TBCA: variants seen among roughly 807,000 people sequenced by gnomAD.
TBCA encodes the protein tubulin folding cofactor A, also known as tubulin-specific chaperone A.
TBCA carries 6 observed loss-of-function variants against 15.8 expected under a neutral mutation model. The ratio of observed to expected loss-of-function variants is 0.38; its 90% CI spans 0.21 to 0.75. TBCA has a LOEUF of 0.75. TBCA is among the 30% of genes least tolerant of loss of function. The probability of loss-of-function intolerance (pLI) is 0.46; values close to 1 mark genes in which losing one functional copy is unlikely to be tolerated. For synonymous variants in TBCA, 32 were observed against 42.3 expected, an observed-to-expected ratio of 0.76 and a Z score of 0.94; for missense variants, 90 against 131.2, an observed-to-expected ratio of 0.69 and a Z score of 1.53.
intron 1 of TBCA, among the ~76,000 whole-genome samples, chr5:77,743,592 G>A (rs985553156): frequency 7.2e-5 from 11 of 152,202 alleles, no homozygotes; most frequent in Non-Finnish European, 1.3e-4. Flanking sequence ...GGAATCCCAT[G>A]TCTCCCAGGA....
At chr5:77,751,993 G>A (rs1204121585) in intron 1 of TBCA, among the ~76,000 whole-genome samples, 1 of 152,120 alleles carries the variant, frequency 6.6e-6, no homozygotes, top group Non-Finnish European at 1.5e-5. Context: ...AAGATCATCT[G>A]GTCCAATAGG....
chr5:77,695,490 AAC>A (rs2112420650), intron 2 of TBCA, among the ~76,000 whole-genome samples: 1 of 152,326 alleles, frequency 6.6e-6, no homozygotes, highest in African/African-American at 2.4e-5. Context: ...GAGGCAAAGG[AAC>A]ACAGTGATGG....
At chr5:77,771,689 A>C (rs1014210333) in intron 1 of TBCA, among the ~76,000 whole-genome samples, 2 of 152,148 alleles carry the variant, frequency 1.3e-5, no homozygotes, top group Non-Finnish European at 2.9e-5. Context: ...CACGCCAAAT[A>C]CCATCATCTA....
chr5:77,700,507 A>G (rs1745988255), intron 2 of TBCA, among the ~76,000 whole-genome samples: 1 of 152,240 alleles, frequency 6.6e-6, no homozygotes, highest in African/African-American at 2.4e-5. Flanking sequence ...ACAATGAGTT[A>G]TCACTATACA....
chr5:77,762,965 C>T (rs1048235068), intron 1 of TBCA, among the ~76,000 whole-genome samples: 4 of 152,110 alleles, frequency 2.6e-5, no homozygotes, highest in African/African-American at 7.2e-5. Context: ...GACAAGCGGC[C>T]GGGCGCGGTG....
At chr5:77,692,102 T>C in intron 3 of TBCA, 1 of 982,908 alleles carries the variant, frequency 1.0e-6, no homozygotes, top group Non-Finnish European at 1.2e-6. Flanking sequence ...TACTAATATA[T>C]TGTAATGATA....
At chr5:77,767,012 T>A (rs1213009959) in intron 1 of TBCA, among the ~76,000 whole-genome samples, 1 of 152,212 alleles carries the variant, frequency 6.6e-6, no homozygotes, top group Non-Finnish European at 1.5e-5. Context: ...CTTAAGAAAA[T>A]CTTTGTATAC....
intron 1 of TBCA, among the ~76,000 whole-genome samples, chr5:77,775,808 C>A (rs1748006908): frequency 1.3e-5 from 2 of 152,338 alleles, no homozygotes; most frequent in East Asian, 3.9e-4. Flanking sequence ...CATTTGAGAG[C>A]ACAGCTGGGA....
At chr5:77,734,681 TAGTTG>T (rs1283640126) in intron 1 of TBCA, among the ~76,000 whole-genome samples, 71 of 152,350 alleles carry the variant, frequency 4.7e-4, no homozygotes, top group African/African-American at 1.5e-3. Context: ...TACGTAAACT[TAGTTG>T]ATGAAGCGGT....
chr5:77,764,074 T>A (rs1354291144), intron 1 of TBCA, among the ~76,000 whole-genome samples: 1 of 152,152 alleles, frequency 6.6e-6, no homozygotes. Context: ...GAGTAAAAAT[T>A]TAGGGCTGAA....
intron 1 of TBCA, among the ~76,000 whole-genome samples, chr5:77,729,606 G>GA (rs1003708448): frequency 3.3e-5 from 5 of 152,032 alleles, no homozygotes; most frequent in Admixed American, 2.0e-4. Context: ...GCTTTTGGAA[G>GA]AAAAAAAGTT....
intron 1 of TBCA, among the ~76,000 whole-genome samples, chr5:77,749,529 AT>A (rs972356485): frequency 9.2e-5 from 14 of 152,360 alleles, no homozygotes; most frequent in African/African-American, 3.4e-4. Context: ...TTTCTTTGAT[AT>A]TTCAACTGTA....
At position 77,692,632 on chromosome 5, in the gene TBCA, T is replaced by TGAGAG. The variant is rs1373548615; in HGVS notation, c.246+633_246+634insCTCTC. The TGAGAG allele has an allele frequency of 2.1e-4, 207 of 985,472 alleles. 2 individuals are homozygous for TGAGAG. The African/African-American group carries it at 3.2e-3, about 15-fold the overall frequency. The allele number at this position is 985,472 out of a possible 1,614,324, so 61.0% of individuals were successfully genotyped here. ...CAATTTCTATTACTTTCTCAGCTAC[T>TGAGAG]AGATTCATGAGAGAAAAAAGCATTT... On this transcript the variant is annotated intron_variant, in intron 3 of 3. Transcript: ENST00000380377.
chr5:77,750,399 T>C (rs972754366), intron 1 of TBCA, among the ~76,000 whole-genome samples: 3 of 152,162 alleles, frequency 2.0e-5, no homozygotes, highest in Admixed American at 6.5e-5. Flanking sequence ...GCCAGGGCTC[T>C]GGGGATGTGT....
chr5:77,698,204 A>C (rs1440670510), intron 2 of TBCA, among the ~76,000 whole-genome samples: 1 of 152,062 alleles, frequency 6.6e-6, no homozygotes, highest in Non-Finnish European at 1.5e-5. Context: ...ACCTTTATTA[A>C]GACAGACAAA....
At chr5:77,713,136 A>G (rs760937991) in intron 1 of TBCA, among the ~76,000 whole-genome samples, 6 of 152,076 alleles carry the variant, frequency 3.9e-5, no homozygotes, top group Non-Finnish European at 2.9e-5. Context: ...TCTACAAAAA[A>G]TTTTTAAAAA....
At chr5:77,746,945 T>C (rs942251439) in intron 1 of TBCA, among the ~76,000 whole-genome samples, 7 of 152,102 alleles carry the variant, frequency 4.6e-5, no homozygotes, top group African/African-American at 1.7e-4. Flanking sequence ...TTGAAATTAC[T>C]ATAAAAACAT....
At chr5:77,732,342 T>C (rs899055149) in intron 1 of TBCA, among the ~76,000 whole-genome samples, 2 of 152,102 alleles carry the variant, frequency 1.3e-5, no homozygotes, top group Non-Finnish European at 2.9e-5. Flanking sequence ...TGTTTTTTTA[T>C]TTCATTCTTT....
chr5:77,762,368 A>C (rs1747663235), intron 1 of TBCA, among the ~76,000 whole-genome samples: 1 of 152,204 alleles, frequency 6.6e-6, no homozygotes, highest in African/African-American at 2.4e-5. Flanking sequence ...GAAAATGAAA[A>C]TATCAATTTT....
Sources: allele counts gnomAD v4.1 joint callset (sites outside exome capture counted in the v4.1 genomes callset), GRCh38; gene constraint gnomAD v4.1.1; transcripts MANE v1.5; gene names NCBI Gene and HGNC (gene_info 2026-07-23, HGNC 2026-07-21).